RBMS3: variants seen among roughly 807,000 people sequenced by gnomAD.
RBMS3 encodes the protein RNA-binding motif, single-stranded-interacting protein 3.
Under a neutral mutation model 66.8 loss-of-function variants are expected in RBMS3, and 27 were observed. The ratio of observed to expected loss-of-function variants is 0.40; its 90% CI spans 0.30 to 0.56. The LOEUF is 0.56. Ranked by LOEUF, RBMS3 falls within the 20% of genes least tolerant of loss-of-function variation. RBMS3 has a pLI of 0.40. For missense variants in RBMS3, 513 were observed against 549.5 expected (o/e 0.93, Z 0.66); for synonymous variants, 188 against 183.0 (o/e 1.03, Z -0.22).
intron 6 of RBMS3, among the ~76,000 whole-genome samples, chr3:29,807,763 A>C (rs74981287): frequency 6.6e-6 from 1 of 151,190 alleles, no homozygotes; most frequent in African/African-American, 2.4e-5. Context: ...ATAAAATACC[A>C]AAAAAATAAA....
At chr3:29,933,573 G>T (rs1426059219) in intron 10 of RBMS3, among the ~76,000 whole-genome samples, 1 of 152,002 alleles carries the variant, frequency 6.6e-6, no homozygotes, top group African/African-American at 2.4e-5. Flanking sequence ...TTGTAGGATT[G>T]TTTTCACTGA....
At chr3:29,652,233 C>T (rs1286031918) in intron 4 of RBMS3, among the ~76,000 whole-genome samples, 1 of 152,078 alleles carries the variant, frequency 6.6e-6, no homozygotes, top group Non-Finnish European at 1.5e-5. Flanking sequence ...ACGGTAATTT[C>T]AATTTCAGCT....
chr3:29,434,277 C>G lies in RBMS3; in HGVS notation c.76-466C>G, dbSNP rs1024622312. Among the ~76,000 whole-genome samples, 3 of 152,218 alleles carry G rather than the reference C, an allele frequency of 2.0e-5. No homozygotes were observed. The South Asian group carries it at 6.2e-4, about 32-fold the overall frequency. ...TCTTTGTATCAGGAATTATGCTGAA[C>G]AGTAATGTTGAGGAAAACAATAGGA... On this transcript the variant is annotated intron_variant, in intron 1 of 14. Coordinates refer to ENST00000383767, the MANE Select transcript of RBMS3 (RefSeq NM_001003793.3).
chr3:29,293,144 A>C (rs955343178), intron 1 of RBMS3, among the ~76,000 whole-genome samples: 1 of 151,838 alleles, frequency 6.6e-6, no homozygotes, highest in Non-Finnish European at 1.5e-5. Flanking sequence ...TTTTGATTGG[A>C]AAGAGGGATG....
intron 5 of RBMS3, among the ~76,000 whole-genome samples, chr3:29,743,480 G>A (rs2054730256): frequency 1.3e-5 from 2 of 152,178 alleles, no homozygotes. Flanking sequence ...CTAAAAACTT[G>A]TTAGAAATGC....
At chr3:29,811,535 T>G (rs1399820656) in intron 6 of RBMS3, among the ~76,000 whole-genome samples, 1 of 152,154 alleles carries the variant, frequency 6.6e-6, no homozygotes, top group African/African-American at 2.4e-5. Flanking sequence ...TCTCATGGAG[T>G]CTACATTCTA....
intron 1 of RBMS3, among the ~76,000 whole-genome samples, chr3:29,370,226 G>A (rs986142680): frequency 2.6e-5 from 4 of 152,154 alleles, no homozygotes; most frequent in African/African-American, 4.8e-5. Flanking sequence ...ATGTCATTAT[G>A]TCATTTATTG....
chr3:29,597,997 T>C (rs2048015504), intron 4 of RBMS3, among the ~76,000 whole-genome samples: 1 of 152,112 alleles, frequency 6.6e-6, no homozygotes, highest in Non-Finnish European at 1.5e-5. Flanking sequence ...GATTCAAAGG[T>C]AAATTTCTTG....
chr3:29,600,112 T>A (rs1050797136), intron 4 of RBMS3, among the ~76,000 whole-genome samples: 2 of 152,102 alleles, frequency 1.3e-5, no homozygotes, highest in African/African-American at 2.4e-5. Context: ...GTTGTGGAAA[T>A]GTGAATTGGT....
chr3:29,328,898 C>T (rs952413535), intron 1 of RBMS3, among the ~76,000 whole-genome samples: 1 of 152,154 alleles, frequency 6.6e-6, no homozygotes, highest in African/African-American at 2.4e-5. Flanking sequence ...ATGTTTTGCA[C>T]ATACTAGTCA....
At chr3:29,485,110 A>G (rs2043272407) in intron 2 of RBMS3, among the ~76,000 whole-genome samples, 1 of 152,222 alleles carries the variant, frequency 6.6e-6, no homozygotes. Flanking sequence ...CTTTGAAAAT[A>G]AAAGATGCCA....
At chr3:29,873,799 A>C (rs2149559731) in intron 7 of RBMS3, among the ~76,000 whole-genome samples, 1 of 152,304 alleles carries the variant, frequency 6.6e-6, no homozygotes, top group East Asian at 1.9e-4. Flanking sequence ...AAGATGAAGC[A>C]ATGTTGAAAT....
In RBMS3 at chr3:29,384,432, T is replaced by TAAGAAGAAGAAGAAGAAGAAG. The variant is rs561847341; in HGVS notation, c.76-50309_76-50308insGAAGAAGAAGAAGAAGAAGAA. On this transcript the variant is annotated intron_variant, in intron 1 of 14. Coordinates refer to ENST00000383767, the MANE Select transcript of RBMS3 (RefSeq NM_001003793.3). ...ACATATACACCAATAATAATAATAA[T>TAAGAAGAAGAAGAAGAAGAAG]AATAAGAAGAAGAAGAAGAAGAAGA... is the stretch of plus-strand genomic sequence containing the variant. Among the ~76,000 whole-genome samples the TAAGAAGAAGAAGAAGAAGAAG allele has an allele frequency of 1.4e-3, 135 of 99,408 alleles. 1 individual carries two copies. In the East Asian group the frequency reaches 0.02, roughly 15 times the overall value. The allele number at this position is 99,408 out of a possible 152,430, so 65.2% of individuals were successfully genotyped here. A position where few individuals can be genotyped will look rare whatever the true frequency, so the allele number is the denominator to read the frequency against.
intron 10 of RBMS3, among the ~76,000 whole-genome samples, chr3:29,934,389 C>A (rs569609112): frequency 6.6e-6 from 1 of 151,682 alleles, no homozygotes; most frequent in African/African-American, 2.4e-5. Context: ...TAAGAAGAAC[C>A]CTTGTTCTTC....
chr3:29,383,349 T>C (rs1394633080), intron 1 of RBMS3, among the ~76,000 whole-genome samples: 1 of 152,234 alleles, frequency 6.6e-6, no homozygotes. Flanking sequence ...GCTGTCCTTT[T>C]TGATTTTGCC....
intron 2 of RBMS3, chr3:29,435,157 A>G (rs1188097853): frequency 4.1e-6 from 2 of 491,828 alleles, no homozygotes; most frequent in Non-Finnish European, 7.2e-6. Context: ...GCTGATTCAT[A>G]GATATATGAC....
intron 6 of RBMS3, among the ~76,000 whole-genome samples, chr3:29,829,505 C>T (rs927991760): frequency 1.7e-4 from 26 of 152,238 alleles, no homozygotes; most frequent in Middle Eastern, 3.4e-3. Context: ...TCTTCTATTT[C>T]GCTTCTCCAG....
At chr3:29,901,564 C>G (rs2060252585) in intron 10 of RBMS3, among the ~76,000 whole-genome samples, 1 of 151,718 alleles carries the variant, frequency 6.6e-6, no homozygotes, top group African/African-American at 2.4e-5. Context: ...TCACACACCT[C>G]CTTTTCCACC....
intron 10 of RBMS3, among the ~76,000 whole-genome samples, chr3:29,918,278 T>G (rs897297092): frequency 6.6e-6 from 1 of 152,202 alleles, no homozygotes; most frequent in African/African-American, 2.4e-5. Flanking sequence ...TAGTATGTTA[T>G]CTATGTCCTT....
Sources: gnomAD v4.1 joint callset for allele counts (sites outside exome capture counted in the v4.1 genomes callset) on GRCh38, gnomAD v4.1.1 for gene constraint, MANE v1.5 for transcripts, NCBI Gene and HGNC (gene_info 2026-07-23, HGNC 2026-07-21) for gene names.